PRR16: variants seen among roughly 807,000 people sequenced by gnomAD.
PRR16 encodes the protein protein Largen.
PRR16 carries 6 observed loss-of-function variants against 18.2 expected under a neutral mutation model. The ratio of observed to expected loss-of-function variants is 0.33; its 90% CI spans 0.18 to 0.65. The LOEUF (loss-of-function observed/expected upper bound fraction) is 0.65, where lower values mean the gene tolerates loss of function less well. Ranked by LOEUF, PRR16 falls within the 30% of genes least tolerant of loss-of-function variation. The pLI is 0.74. For synonymous variants in PRR16, 151 were observed against 147.8 expected, an observed-to-expected ratio of 1.02 and a Z score of -0.16; for missense variants, 412 against 376.6, an observed-to-expected ratio of 1.09 and a Z score of -0.78.
At chr5:120,567,891 C>T (rs1042346742) in intron 1 of PRR16, among the ~76,000 whole-genome samples, 7 of 152,144 alleles carry the variant, frequency 4.6e-5, no homozygotes, top group African/African-American at 1.7e-4. Flanking sequence ...CAGACTAATA[C>T]ATACATGATT....
intron 1 of PRR16, among the ~76,000 whole-genome samples, chr5:120,537,033 T>A (rs1751740078): frequency 6.6e-6 from 1 of 152,114 alleles, no homozygotes; most frequent in Admixed American, 6.5e-5. Flanking sequence ...TACACTGGAA[T>A]CTACTTTAGG....
intron 1 of PRR16, among the ~76,000 whole-genome samples, chr5:120,591,716 G>A (rs532936229): frequency 6.6e-6 from 1 of 152,026 alleles, no homozygotes; most frequent in East Asian, 1.9e-4. Context: ...GCCTGTGTTG[G>A]ACATATAAGT....
the PRR16 span, among the ~76,000 whole-genome samples, chr5:120,714,152 A>T: frequency 1.3e-5 from 2 of 152,152 alleles, no homozygotes; most frequent in Non-Finnish European, 2.9e-5. Context: ...AGTTCACTAA[A>T]AGAAATAGCC....
At chr5:120,514,975 A>C (rs1750941317) in intron 1 of PRR16, among the ~76,000 whole-genome samples, 1 of 152,120 alleles carries the variant, frequency 6.6e-6, no homozygotes, top group African/African-American at 2.4e-5. Flanking sequence ...AGTCCCACTT[A>C]GCTTCTTAGT....
intron 1 of PRR16, among the ~76,000 whole-genome samples, chr5:120,550,676 A>G (rs1284713643): frequency 2.0e-5 from 3 of 152,158 alleles, no homozygotes; most frequent in African/African-American, 4.8e-5. Context: ...GGATTAATTA[A>G]TATTTGTGTA....
In PRR16 at chr5:120,537,779, T is replaced by A. The variant is rs1037725121; in HGVS notation, c.159+73134T>A. On this transcript the variant is annotated intron_variant, in intron 1 of 1. Coordinates refer to ENST00000407149, the MANE Select transcript of PRR16 (RefSeq NM_001300783.2). Reference sequence around the variant, plus strand: ...CTTGGAATTTTTAATGTTTTTTTTTTTTTTTTTTTTTTTTTGAGACGGAGT... The same window carrying A: ...CTTGGAATTTTTAATGTTTTTTTTTATTTTTTTTTTTTTTTGAGACGGAGT... Among the ~76,000 whole-genome samples the A allele has an allele frequency of 3.7e-3, 533 of 143,594 alleles. 2 individuals are homozygous for A. Among genetic ancestry groups the A allele is most frequent in the African/African-American group, 0.013 (485 of 38,794 alleles). The allele number at this position is 143,594 out of a possible 152,430, so 94.2% of individuals were successfully genotyped here.
At chr5:120,625,587 C>T (rs1250794516) in intron 1 of PRR16, among the ~76,000 whole-genome samples, 1 of 152,150 alleles carries the variant, frequency 6.6e-6, no homozygotes. Flanking sequence ...ATCCTCTTGC[C>T]TTGGCCTCCC....
intron 1 of PRR16, among the ~76,000 whole-genome samples, chr5:120,535,981 T>G (rs1751704998): frequency 6.6e-6 from 1 of 152,186 alleles, no homozygotes; most frequent in African/African-American, 2.4e-5. Context: ...AATGAACACT[T>G]ATACAATGGT....
intron 1 of PRR16, among the ~76,000 whole-genome samples, chr5:120,572,776 C>T (rs1752948876): frequency 6.6e-6 from 1 of 151,984 alleles, no homozygotes; most frequent in South Asian, 2.1e-4. Flanking sequence ...GTAGAAGAAC[C>T]AAGGGAAAAC....
intron 1 of PRR16, among the ~76,000 whole-genome samples, chr5:120,611,753 C>G (rs2112806460): frequency 6.6e-6 from 1 of 152,298 alleles, no homozygotes; most frequent in East Asian, 1.9e-4. Context: ...TCTGCTAGGG[C>G]AGTGCAGAAG....
the PRR16 span, among the ~76,000 whole-genome samples, chr5:120,696,020 A>G: frequency 1.3e-5 from 2 of 152,150 alleles, no homozygotes; most frequent in Non-Finnish European, 2.9e-5. Flanking sequence ...AGGTGGGTGG[A>G]TCACGAGGTC....
chr5:120,764,059 C>G, the PRR16 span, among the ~76,000 whole-genome samples: 2 of 152,066 alleles, frequency 1.3e-5, no homozygotes, highest in Non-Finnish European at 2.9e-5. Flanking sequence ...ATTTCTTTCT[C>G]TTGTCTGATT....
chr5:120,612,481 G>A (rs1268606867), intron 1 of PRR16, among the ~76,000 whole-genome samples: 1 of 152,068 alleles, frequency 6.6e-6, no homozygotes, highest in Non-Finnish European at 1.5e-5. Flanking sequence ...GAATCATGGG[G>A]GCCAGTCTTT....
intron 1 of PRR16, among the ~76,000 whole-genome samples, chr5:120,525,512 T>G (rs887861180): frequency 6.6e-6 from 1 of 152,114 alleles, no homozygotes; most frequent in East Asian, 1.9e-4. Flanking sequence ...AATAGAAGTT[T>G]TATATAATAC....
intron 1 of PRR16, among the ~76,000 whole-genome samples, chr5:120,494,055 A>G (rs911236218): frequency 2.6e-5 from 4 of 152,336 alleles, no homozygotes; most frequent in Middle Eastern, 3.4e-3. Context: ...ATGTCCAAGC[A>G]TACAATTACT....
intron 1 of PRR16, among the ~76,000 whole-genome samples, chr5:120,644,889 A>T (rs1328003138): frequency 6.6e-6 from 1 of 152,130 alleles, no homozygotes; most frequent in African/African-American, 2.4e-5. Flanking sequence ...TGCAGTTTTG[A>T]TACAAAGCCT....
intron 1 of PRR16, among the ~76,000 whole-genome samples, chr5:120,655,880 C>T (rs1362830890): frequency 6.6e-6 from 1 of 151,778 alleles, no homozygotes; most frequent in African/African-American, 2.4e-5. Context: ...CCATCATTCC[C>T]AATTCCTTGG....
chr5:120,577,667 CT>C (rs1237848169), intron 1 of PRR16, among the ~76,000 whole-genome samples: 3 of 152,102 alleles, frequency 2.0e-5, no homozygotes, highest in African/African-American at 7.2e-5. Context: ...ATTAACAAGA[CT>C]GTATTTCTCC....
At chr5:120,708,374 C>T in the PRR16 span, among the ~76,000 whole-genome samples, 37 of 152,274 alleles carry the variant, frequency 2.4e-4, no homozygotes, top group African/African-American at 7.9e-4. Flanking sequence ...TTATTTATCT[C>T]AACTTTTCAA....
Sources: allele counts gnomAD v4.1 joint callset (sites outside exome capture counted in the v4.1 genomes callset), GRCh38; gene constraint gnomAD v4.1.1; transcripts MANE v1.5; gene names NCBI Gene and HGNC (gene_info 2026-07-23, HGNC 2026-07-21).